Variants in ABCC8 observed in about 807,000 individuals in gnomAD.
ABCC8 encodes the protein ATP-binding cassette sub-family C member 8.
Under a neutral mutation model 188.0 loss-of-function variants are expected in ABCC8, and 137 were observed. The observed-to-expected ratio is 0.73, with a 90% CI of 0.63 to 0.84. The LOEUF (loss-of-function observed/expected upper bound fraction) is 0.84, where lower values mean the gene tolerates loss of function less well. Among genes scored for constraint, ABCC8 ranks in the 40% least tolerant of loss-of-function variants. ABCC8 has a pLI of 0.00. For missense variants in ABCC8, 1,750 were observed against 2,072.7 expected (o/e 0.84, Z 3.02); for synonymous variants, 797 against 846.5 (o/e 0.94, Z 1.01).
intron 3 of ABCC8, among the ~76,000 whole-genome samples, chr11:17,469,293 A>G (rs1848349330): frequency 6.6e-6 from 1 of 151,832 alleles, no homozygotes; most frequent in African/African-American, 2.4e-5. Context: ...GGGTTTCTCC[A>G]TGTTGGTCAG....
intron 21 of ABCC8, 64 bp downstream of exon 21, chr11:17,412,602 G>C: frequency 1.3e-6 from 2 of 1,562,704 alleles, no homozygotes; most frequent in Non-Finnish European, 1.7e-6. Context: ...GCGGGGAGGT[G>C]GAGGTGGGCA....
rs186104515 is a variant in ABCC8 at position 17,413,596 on chromosome 11, A to T, written c.2391-118T>A. 6.9e-6 allele frequency: 11 copies of T among 1,599,246 alleles called. No individual in the cohort carries two copies. In the African/African-American group the frequency reaches 1.5e-4, roughly 21 times the overall value. ...GCCCAGGGTGAGCAATGGCTTTAAT[A>T]GGCCTCCCGCTTGGGTGCAAGCAAA... On this transcript the variant is annotated intron_variant, in intron 19 of 38. Coordinates refer to ENST00000389817, the MANE Select transcript of ABCC8 (RefSeq NM_000352.6).
chr11:17,402,713 G>C lies in ABCC8; in HGVS notation c.3598C>G (p.Leu1200Val), dbSNP rs903176750. 6.2e-7 allele frequency: 1 copy of C among 1,614,246 alleles called. No homozygotes were observed. Among genetic ancestry groups the C allele is most frequent in the Non-Finnish European group, 8.5e-7 (1 of 1,180,042 alleles). The change falls in exon 29 of 39, where the codon CTC (leucine) becomes GTC (valine). Residue 1200 changes from leucine to valine, a missense_variant. Physicochemically the swap from Leu to Val is conservative, Grantham distance 32. Transcript: ENST00000389817. ...TCTACGGTTTCGGCAAAGTGTGAGA[G>C]AAGTGGAAGCTGGGTGGTGTCATCC... ...QLDDTTQLPL[L>V]SHFAETVEGL...
intron 10 of ABCC8, among the ~76,000 whole-genome samples, chr11:17,442,410 G>A (rs1956351337): frequency 6.6e-6 from 1 of 152,230 alleles, no homozygotes; most frequent in South Asian, 2.1e-4. Flanking sequence ...ACTTGCTGCT[G>A]TCTGTCAATA....
rs781450183 is a variant in ABCC8 at position 17,415,285 on chromosome 11, T to C, written c.2291+19A>G. 6.2e-7 allele frequency: 1 copy of C among 1,604,836 alleles called. No individual in the cohort carries two copies. Among genetic ancestry groups the C allele is most frequent in the Admixed American group, 1.7e-5 (1 of 58,488 alleles). On this transcript the variant is annotated intron_variant, in intron 18 of 38. Transcript: ENST00000389817. Reference sequence around the variant, plus strand: ...GGAGGGAGTTGACCCTGGGGGGCAATGTTCCCAGGACGCAGTACCTGATAT... The same window carrying C: ...GGAGGGAGTTGACCCTGGGGGGCAACGTTCCCAGGACGCAGTACCTGATAT...
chr11:17,443,260 A>G lies in ABCC8; in HGVS notation c.1385T>C (p.Ile462Thr), dbSNP rs202183744. 3 of 1,614,142 alleles carry G rather than the reference A, an allele frequency of 1.9e-6. No individual in the cohort carries two copies. Among genetic ancestry groups the G allele is most frequent in the African/African-American group, 1.3e-5 (1 of 75,028 alleles). Residue 462 changes from isoleucine to threonine, a missense_variant, in exon 9 of 39, where the codon ATT becomes ACT. Ile to Thr is a moderately conservative substitution (Grantham distance 89). Transcript: ENST00000389817. ...LYYILGVSAL[I>T]GAAVIILLAP... The stretch of plus-strand genomic sequence containing the variant: ...CAGTAGAATGATGACAGCTGCTCCA[A>G]TTAAGGCACTGACTCCGAGTATGTA...
In ABCC8 at chr11:17,395,208, G is replaced by A; in HGVS notation, c.4375C>T (p.Leu1459=). ...GGCAGTGCCTTCACCACCAGCTTCA[G>A]CTGGGCGATTTCCAGGGCCTCCCAC... ...TLWEALEIAQ[L]KLVVKALPGG... Residue 1459 remains leucine, a synonymous_variant, in exon 36 of 39, where the codon CTG becomes TTG. Coordinates refer to ENST00000389817, the MANE Select transcript of ABCC8 (RefSeq NM_000352.6). 1.3e-6 allele frequency: 2 copies of A among 1,594,584 alleles called. No individual in the cohort carries two copies. The highest frequency in any genetic ancestry group is 1.7e-6 in the Non-Finnish European group (2 of 1,169,054).
At chr11:17,431,887 C>T (rs1955862838) in intron 11 of ABCC8, among the ~76,000 whole-genome samples, 1 of 152,204 alleles carries the variant, frequency 6.6e-6, no homozygotes, top group Non-Finnish European at 1.5e-5. Context: ...GCTTTCTGTT[C>T]TGGATTTCCC....
chr11:17,439,625 GA>G (rs4148616), intron 10 of ABCC8, among the ~76,000 whole-genome samples: 38 of 149,742 alleles, frequency 2.5e-4, no homozygotes, highest in South Asian at 1.7e-3. Context: ...CTAACGGAGG[GA>G]AAAAAAAACA....
At chr11:17,432,147 T>G in intron 11 of ABCC8, 57 bp downstream of exon 11, 1 of 1,549,872 alleles carries the variant, frequency 6.5e-7, no homozygotes, top group Admixed American at 2.0e-5. Flanking sequence ...AGCCTGTCAC[T>G]GCAGACGCCC....
intron 14 of ABCC8, 129 bp from the exon 15 acceptor site, chr11:17,428,071 A>C: frequency 1.3e-6 from 2 of 1,589,420 alleles, no homozygotes; most frequent in Non-Finnish European, 8.6e-7. Flanking sequence ...TCACTTCCAG[A>C]GCAGGGGAGT....
Position 17,414,529 on chromosome 11 carries a change from ACT to A in ABCC8, c.2371_2372del (p.Pro792LeufsTer11). On this transcript the variant is annotated frameshift_variant, in exon 19 of 39. Transcript: ENST00000389817. LOFTEE classifies it high-confidence loss of function. ...ATVEENIIFESPFNKQRYKMV... is the reference protein window; with the variant it reads ...ATVEENIIFEXPFNKQRYKMV... ...GCTTTTACCGTTGTTTGTTGAAGGG[ACT>A]CTCAAAGATGATGTTCTCCTCCACA... The A allele has an allele frequency of 6.2e-7, 1 of 1,613,880 alleles. No individual in the cohort carries two copies. Among genetic ancestry groups the A allele is most frequent in the Non-Finnish European group, 8.5e-7 (1 of 1,179,978 alleles).
Position 17,412,942 on chromosome 11 carries a change from T to C in ABCC8, c.2476-196A>G, listed in dbSNP as rs935663774. The C allele has an allele frequency of 1.0e-4, 124 of 1,232,346 alleles. No homozygotes were observed. The African/African-American group carries it at 1.6e-3, about 16-fold the overall frequency. 76.3% of individuals were successfully genotyped at this position (1,232,346 alleles called of 1,614,324 possible). A position where few individuals can be genotyped will look rare whatever the true frequency, so the allele number is the denominator to read the frequency against. On this transcript the variant is annotated intron_variant, in intron 20 of 38. Transcript: ENST00000389817. ...AGAAGAGGGCAGCATGAGCCCCAAGTCTTTAAAGATTCATTGTGTAGGCGC... is the reference window on the plus strand; with the variant it reads ...AGAAGAGGGCAGCATGAGCCCCAAGCCTTTAAAGATTCATTGTGTAGGCGC...
chr11:17,428,409 G>A lies in ABCC8; in HGVS notation c.1924-4C>T, dbSNP rs763688900. 26 of 1,612,198 alleles carry A rather than the reference G, an allele frequency of 1.6e-5. No homozygotes were observed. The South Asian group carries it at 2.9e-4, about 18-fold the overall frequency. On this transcript the variant is annotated splice_polypyrimidine_tract_variant and splice_region_variant and intron_variant, in intron 13 of 38. Coordinates refer to ENST00000389817, the MANE Select transcript of ABCC8 (RefSeq NM_000352.6). ...TGCGGTTCACAACCCTGAGGGGCTG[G>A]GGGTGGTTTGGAGGTGAGGACCCAC...
intron 36 of ABCC8, 184 bp downstream of exon 36, chr11:17,394,988 G>T: frequency 1.4e-6 from 1 of 716,472 alleles, no homozygotes; most frequent in Non-Finnish European, 2.3e-6. Flanking sequence ...CTGACCAGTT[G>T]TGTGACCTGG....
At chr11:17,431,917 T>C (rs762955486) in intron 11 of ABCC8, among the ~76,000 whole-genome samples, 5 of 152,230 alleles carry the variant, frequency 3.3e-5, no homozygotes, top group African/African-American at 1.2e-4. Flanking sequence ...ACAATACACA[T>C]GTTTCACTTT....
Position 17,476,755 on chromosome 11 carries a change from T to C in ABCC8, c.22A>G (p.Ser8Gly), listed in dbSNP as rs1848809505. 1 of 1,589,806 alleles carries C rather than the reference T, an allele frequency of 6.3e-7. No homozygotes were observed. Among genetic ancestry groups the C allele is most frequent in the Non-Finnish European group, 8.6e-7 (1 of 1,168,402 alleles). ...CGGTAGGCGGCCGAGTGGTTCTCGC[T>C]GCCGCAGAAGGCCAGGGGCATGGCG... Reference protein sequence around the residue: MPLAFCGSENHSAAYRVD... With the variant: MPLAFCGGENHSAAYRVD... The change falls in exon 1 of 39, where the codon AGC becomes GGC. Residue 8 changes from serine to glycine, a missense_variant. Coordinates refer to ENST00000389817, the MANE Select transcript of ABCC8 (RefSeq NM_000352.6).
At chr11:17,434,005 A>G (rs1395023145) in intron 10 of ABCC8, among the ~76,000 whole-genome samples, 2 of 152,138 alleles carry the variant, frequency 1.3e-5, no homozygotes, top group Non-Finnish European at 2.9e-5. Context: ...TCTAGGACAT[A>G]CGACATAGTG....
chr11:17,405,876 C>T (rs111749254), intron 26 of ABCC8, among the ~76,000 whole-genome samples: 3 of 152,340 alleles, frequency 2.0e-5, no homozygotes, highest in African/African-American at 7.2e-5. Context: ...GACAACCTGC[C>T]AAGAGGAACA....
Sources: gnomAD v4.1 joint callset for allele counts (sites outside exome capture counted in the v4.1 genomes callset) on GRCh38, gnomAD v4.1.1 for gene constraint, MANE v1.5 for transcripts, NCBI Gene and HGNC (gene_info 2026-07-23, HGNC 2026-07-21) for gene names.